The following DST variants were observed in gnomAD, a reference collection of about 807,000 sequenced individuals.
DST encodes bullous pemphigoid antigen.
A neutral mutation model predicts 875.2 loss-of-function variants in DST; 253 were observed. That is an observed-to-expected ratio of 0.29 (90% CI 0.26 to 0.32). The LOEUF (loss-of-function observed/expected upper bound fraction) is 0.32, where lower values mean the gene tolerates loss of function less well. Among genes scored for constraint, DST ranks in the 10% least tolerant of loss-of-function variants. DST has a pLI of 1.00. For missense variants in DST, 8,287 were observed against 9,111.6 expected (o/e 0.91, Z 3.68); for synonymous variants, 3,124 against 3,197.1 (o/e 0.98, Z 0.77).
chr6:56,572,353 T>C, intron 52 of DST, 87 bp from the exon 53 acceptor site: 1 of 863,974 alleles, frequency 1.2e-6, no homozygotes, highest in Admixed American at 3.3e-5. Context: ...GGGATCAGAA[T>C]GGCTCTATTC....
chr6:56,655,935 G>A (rs1352276324), intron 10 of DST, among the ~76,000 whole-genome samples: 13 of 152,186 alleles, frequency 8.5e-5, no homozygotes, highest in Admixed American at 8.5e-4. Flanking sequence ...CAGAGCCTGT[G>A]TTTTGTCCAT....
chr6:56,657,201 C>A (rs948495229), intron 10 of DST, among the ~76,000 whole-genome samples: 2 of 152,030 alleles, frequency 1.3e-5, no homozygotes, highest in Non-Finnish European at 2.9e-5. Flanking sequence ...TATAACGACA[C>A]AAACAAAAGC....
intron 48 of DST, 57 bp from the exon 49 acceptor site, chr6:56,592,415 T>G: frequency 7.5e-7 from 1 of 1,340,702 alleles, no homozygotes. Flanking sequence ...TTCATATGCA[T>G]CAAATAATCT....
At chr6:56,518,550 T>C (rs1299795125) in intron 69 of DST, among the ~76,000 whole-genome samples, 2 of 152,334 alleles carry the variant, frequency 1.3e-5, no homozygotes, top group Admixed American at 6.5e-5. Flanking sequence ...TTTGTTATTA[T>C]ACAAACAACC....
intron 4 of DST, chr6:56,843,050 C>A (rs1044938620): frequency 2.7e-6 from 4 of 1,472,942 alleles, no homozygotes; most frequent in African/African-American, 1.4e-5. Flanking sequence ...GCAGGGACCA[C>A]ATACCTTTGT....
At chr6:56,615,744 A>G in intron 36 of DST, 3 of 1,614,170 alleles carry the variant, frequency 1.9e-6, no homozygotes, top group Non-Finnish European at 1.7e-6. Context: ...TCTTCTATTG[A>G]TAACCGAGAG....
intron 4 of DST, among the ~76,000 whole-genome samples, chr6:56,751,728 G>A (rs561279731): frequency 1.3e-5 from 2 of 152,042 alleles, no homozygotes; most frequent in South Asian, 2.1e-4. Context: ...GTATAACTAC[G>A]AAATTAAACT....
At chr6:56,834,119 T>C (rs1361844048) in intron 4 of DST, among the ~76,000 whole-genome samples, 4 of 152,118 alleles carry the variant, frequency 2.6e-5, no homozygotes, top group African/African-American at 9.7e-5. Context: ...TCCCAGATAC[T>C]TGGGAGGCTG....
chr6:56,460,410 C>G, intron 102 of DST, 156 bp from the exon 103 acceptor site: 2 of 581,452 alleles, frequency 3.4e-6, no homozygotes, highest in Non-Finnish European at 5.6e-6. Flanking sequence ...GCATGGGGTT[C>G]TCACTTGATT....
chr6:56,823,370 C>T (rs953842121), intron 4 of DST, among the ~76,000 whole-genome samples: 50 of 152,198 alleles, frequency 3.3e-4, no homozygotes, highest in African/African-American at 1.1e-3. Flanking sequence ...CTATCTTCCA[C>T]GTAAAGAAAT....
At chr6:56,705,326 C>T (rs997443262) in intron 5 of DST, among the ~76,000 whole-genome samples, 2 of 152,244 alleles carry the variant, frequency 1.3e-5, no homozygotes, top group Non-Finnish European at 2.9e-5. Flanking sequence ...TCACCCATGG[C>T]ACAAGCCCTG....
intron 3 of DST, among the ~76,000 whole-genome samples, chr6:56,865,053 GA>G (rs1381299185): frequency 6.6e-6 from 1 of 152,116 alleles, no homozygotes; most frequent in Non-Finnish European, 1.5e-5. Context: ...AACGAAAAGG[GA>G]ACACTGAGGC....
At chr6:56,666,306 A>C (rs1158575414) in intron 10 of DST, among the ~76,000 whole-genome samples, 1 of 152,192 alleles carries the variant, frequency 6.6e-6, no homozygotes, top group Non-Finnish European at 1.5e-5. Context: ...ATATTAATAA[A>C]AAATGTGAAG....
chr6:56,677,136 T>G (rs894489643), intron 9 of DST, among the ~76,000 whole-genome samples: 1 of 152,166 alleles, frequency 6.6e-6, no homozygotes, highest in Non-Finnish European at 1.5e-5. Flanking sequence ...TTTGTCAATT[T>G]AAAAAAACTT....
chr6:56,636,732 T>C (rs770309479), intron 22 of DST, 80 bp from the exon 23 acceptor site: 1 of 1,123,264 alleles, frequency 8.9e-7, no homozygotes, highest in African/African-American at 1.5e-5. Flanking sequence ...TGCTTCTAAA[T>C]GCTAACTCTA....
At chr6:56,866,210 C>G (rs1395465315) in intron 3 of DST, among the ~76,000 whole-genome samples, 9 of 152,082 alleles carry the variant, frequency 5.9e-5, no homozygotes, top group Non-Finnish European at 1.3e-4. Flanking sequence ...GTTGGCCAGG[C>G]TAGTCTCGAA....
At chr6:56,626,629 A>G (rs1447364388) in intron 34 of DST, among the ~76,000 whole-genome samples, 1 of 152,206 alleles carries the variant, frequency 6.6e-6, no homozygotes, top group African/African-American at 2.4e-5. Flanking sequence ...ACATGACTGT[A>G]GAGCAAAATT....
chr6:56,527,755 T>A, intron 67 of DST, 21 bp from the exon 68 acceptor site: 1 of 1,579,252 alleles, frequency 6.3e-7, no homozygotes, highest in Non-Finnish European at 8.6e-7. Context: ...AAAGTCACGT[T>A]ATTTCTTATG....
intron 72 of DST, among the ~76,000 whole-genome samples, chr6:56,511,609 A>T (rs572144918): frequency 6.6e-6 from 1 of 151,890 alleles, no homozygotes; most frequent in Non-Finnish European, 1.5e-5. Context: ...CACACCAAAG[A>T]CCCTTTAGGG....
Sources: gnomAD v4.1 joint callset for allele counts (sites outside exome capture counted in the v4.1 genomes callset) on GRCh38, gnomAD v4.1.1 for gene constraint, MANE v1.5 for transcripts, NCBI Gene and HGNC (gene_info 2026-07-23, HGNC 2026-07-21) for gene names.